Variants in PXDN observed in about 807,000 individuals in gnomAD.
PXDN encodes the protein peroxidasin homolog.
In PXDN, 77 loss-of-function variants were observed where a neutral mutation model predicts 140.3. The observed-to-expected ratio is 0.55, with a 90% confidence interval of 0.46 to 0.66. PXDN has a LOEUF of 0.66. Among genes scored for constraint, PXDN ranks in the 30% least tolerant of loss-of-function variants. PXDN has a pLI of 0.00. For missense variants in PXDN, 1,838 were observed against 2,039.5 expected (o/e 0.90, Z 1.90); for synonymous variants, 911 against 857.4 (o/e 1.06, Z -1.09).
At chr2:1,722,670 C>T (rs1430324729) in intron 1 of PXDN, among the ~76,000 whole-genome samples, 3 of 152,242 alleles carry the variant, frequency 2.0e-5, no homozygotes, top group African/African-American at 7.2e-5. Flanking sequence ...AAGAGGTGTG[C>T]GTCTACAGGT....
At chr2:1,666,537 G>A in intron 9 of PXDN, 51 bp from the exon 10 acceptor site, 1 of 1,524,654 alleles carries the variant, frequency 6.6e-7, no homozygotes. Context: ...GTTTGACATG[G>A]TTTTTGCTTG....
At chr2:1,697,247 C>T (rs886530843) in intron 1 of PXDN, among the ~76,000 whole-genome samples, 14 of 152,150 alleles carry the variant, frequency 9.2e-5, no homozygotes, top group African/African-American at 1.9e-4. Context: ...TTTAAGTGTG[C>T]GTGTGAGGAG....
At chr2:1,667,472 C>T (rs1433467823) in intron 9 of PXDN, among the ~76,000 whole-genome samples, 1 of 152,024 alleles carries the variant, frequency 6.6e-6, no homozygotes, top group Non-Finnish European at 1.5e-5. Context: ...TATACACCCT[C>T]CTAAGAGGGT....
chr2:1,674,021 G>A (rs1416144051), intron 8 of PXDN, among the ~76,000 whole-genome samples: 10 of 152,112 alleles, frequency 6.6e-5, no homozygotes, highest in East Asian at 3.9e-4. Flanking sequence ...ATTCACTCAG[G>A]TACTTATCCT....
chr2:1,734,655 T>G (rs1572204039), intron 1 of PXDN, among the ~76,000 whole-genome samples: 1 of 152,160 alleles, frequency 6.6e-6, no homozygotes, highest in South Asian at 2.1e-4. Context: ...GATCACGAGG[T>G]CAAGAGACTG....
In PXDN at chr2:1,658,060, CTCTCTCTCTCTCTCTCTCTCT is replaced by C. The variant is rs1558494366; in HGVS notation, c.1837+2800_1837+2820del. Among the ~76,000 whole-genome samples, 537 of 126,062 alleles carry C rather than the reference CTCTCTCTCTCTCTCTCTCTCT, an allele frequency of 4.3e-3. 71 individuals carry two copies. The highest frequency in any genetic ancestry group is 0.012 in the African/African-American group (390 of 31,604). 82.7% of individuals were successfully genotyped at this position (126,062 alleles called of 152,430 possible). A position where few individuals can be genotyped will look rare whatever the true frequency, so the allele number is the denominator to read the frequency against. ...TCTCTCTCTCTCTCTCTCTCTCTCTCTCTCTCTCTCTCTCTCTCTCTCTCTCTCTCTCTGTTACAGTGTCTG... is the reference window on the plus strand; with the variant it reads ...TCTCTCTCTCTCTCTCTCTCTCTCTCCTCTCTCTCTCTGTTACAGTGTCTG... On this transcript the variant is annotated intron_variant, in intron 14 of 22. Transcript: ENST00000252804.
intron 1 of PXDN, among the ~76,000 whole-genome samples, chr2:1,708,347 T>A (rs1684670802): frequency 6.6e-6 from 1 of 152,202 alleles, no homozygotes; most frequent in Non-Finnish European, 1.5e-5. Context: ...TTCCAGCAGC[T>A]CCTCTTTGGT....
intron 14 of PXDN, among the ~76,000 whole-genome samples, chr2:1,658,045 T>G (rs1165264780): frequency 3.5e-5 from 4 of 113,336 alleles, no homozygotes; most frequent in East Asian, 2.6e-4. Context: ...TCTCTCTCTC[T>G]CTCTCTCTCT....
rs555118565 is a variant in PXDN at position 1,660,829 on chromosome 2, G to A, written c.1837+52C>T. 42 of 1,569,884 alleles carry A rather than the reference G, an allele frequency of 2.7e-5. No homozygotes were observed. The African/African-American group carries it at 2.8e-4, about 11-fold the overall frequency. ...GCCTGGGACCACACTAGGGACCTGC[G>A]GGCTTTCTTTGTGGATACCATGTGG... On this transcript the variant is annotated intron_variant, in intron 14 of 22. Transcript: ENST00000252804. This position sits in a 1 kb window ranked among gnomAD's most constrained non-coding sequence, Gnocchi z 4.6.
At chr2:1,697,134 G>A (rs1200685833) in intron 1 of PXDN, among the ~76,000 whole-genome samples, 1 of 152,108 alleles carries the variant, frequency 6.6e-6, no homozygotes, top group African/African-American at 2.4e-5. Flanking sequence ...CAGTAACGTG[G>A]GTTCAAATAA....
chr2:1,741,910 A>G (rs116490630), intron 1 of PXDN, among the ~76,000 whole-genome samples: 6 of 152,232 alleles, frequency 3.9e-5, no homozygotes, highest in African/African-American at 1.4e-4. Flanking sequence ...AGCCTACCAG[A>G]CCATGCCCCC....
At chr2:1,671,778 T>C (rs1683583357) in intron 9 of PXDN, among the ~76,000 whole-genome samples, 1 of 152,220 alleles carries the variant, frequency 6.6e-6, no homozygotes, top group African/African-American at 2.4e-5. Context: ...GCCATTTTTT[T>C]CTGTAAAGGG....
At chr2:1,653,823 C>T (rs2125415207) in intron 15 of PXDN, 38 bp from the exon 16 acceptor site, 1 of 1,505,470 alleles carries the variant, frequency 6.6e-7, no homozygotes, top group East Asian at 2.5e-5. Context: ...AAGAATGAAA[C>T]AAATTACTGA....
At chr2:1,709,935 A>G (rs1684713114) in intron 1 of PXDN, among the ~76,000 whole-genome samples, 2 of 152,120 alleles carry the variant, frequency 1.3e-5, no homozygotes, top group Admixed American at 1.3e-4. Context: ...TGAGAAAATA[A>G]ATCTGTGATT....
intron 8 of PXDN, 33 bp from the exon 9 acceptor site, chr2:1,673,845 T>G: frequency 6.2e-7 from 1 of 1,610,802 alleles, no homozygotes; most frequent in Non-Finnish European, 8.5e-7. Context: ...TGGTCAAGTG[T>G]TGAAAGCACA....
chr2:1,700,801 G>C (rs966051136), intron 1 of PXDN, among the ~76,000 whole-genome samples: 3 of 152,132 alleles, frequency 2.0e-5, no homozygotes, highest in African/African-American at 7.2e-5. Context: ...CTTGAACCCG[G>C]AAGGCAGAGG....
chr2:1,705,441 TGACCTGG>T (rs1684574872), intron 1 of PXDN, among the ~76,000 whole-genome samples: 1 of 124,976 alleles, frequency 8.0e-6, no homozygotes, highest in Non-Finnish European at 1.7e-5. Flanking sequence ...CAGCTCCCCA[TGACCTGG>T]GATGCAGGGT....
At chr2:1,667,576 C>T (rs1683475434) in intron 9 of PXDN, among the ~76,000 whole-genome samples, 1 of 152,178 alleles carries the variant, frequency 6.6e-6, no homozygotes, top group Non-Finnish European at 1.5e-5. Context: ...CCCAAAACTC[C>T]TTAAGCTTAT....
At chr2:1,663,220 G>C (rs1683347132) in intron 12 of PXDN, among the ~76,000 whole-genome samples, 1 of 152,180 alleles carries the variant, frequency 6.6e-6, no homozygotes, top group Admixed American at 6.5e-5. Context: ...TGGGGTCTGT[G>C]CCTTGGGAGC....
Sources: gnomAD v4.1 joint callset for allele counts (sites outside exome capture counted in the v4.1 genomes callset) on GRCh38, gnomAD v4.1.1 for gene constraint, Gnocchi (gnomAD v3.1) non-coding constraint, MANE v1.5 for transcripts, NCBI Gene and HGNC (gene_info 2026-07-23, HGNC 2026-07-21) for gene names.